Variants in EHD4 observed in about 807,000 individuals in gnomAD.
EHD4 encodes the protein EH domain-containing protein 4.
EHD4 carries 37 observed loss-of-function variants against 51.0 expected under a neutral mutation model. The observed-to-expected ratio is 0.73, with a 90% CI of 0.56 to 0.95. EHD4 has a LOEUF of 0.95. Ranked by LOEUF, EHD4 falls within the 40% of genes least tolerant of loss-of-function variation. The probability of loss-of-function intolerance (pLI) is 0.00; values close to 1 mark genes in which losing one functional copy is unlikely to be tolerated. For synonymous variants in EHD4, 297 were observed against 317.3 expected, an observed-to-expected ratio of 0.94 and a Z score of 0.68; for missense variants, 632 against 733.1, an observed-to-expected ratio of 0.86 and a Z score of 1.59.
chr15:41,944,443 T>C (rs899353112), intron 2 of EHD4, among the ~76,000 whole-genome samples: 1 of 152,172 alleles, frequency 6.6e-6, no homozygotes, highest in Non-Finnish European at 1.5e-5. Context: ...TTCCGTACGA[T>C]GGAAGTGGTG....
chr15:41,947,490 A>G (rs1238762235), intron 2 of EHD4, among the ~76,000 whole-genome samples: 1 of 152,228 alleles, frequency 6.6e-6, no homozygotes, highest in African/African-American at 2.4e-5. Context: ...CGGAGAGAGT[A>G]TAGAATTGTT....
intron 1 of EHD4, among the ~76,000 whole-genome samples, chr15:41,968,699 A>T (rs978645862): frequency 2.0e-4 from 30 of 152,342 alleles, no homozygotes; most frequent in African/African-American, 7.2e-4. Flanking sequence ...ATAGATGCAG[A>T]AATTACTTGG....
chr15:41,902,914 T>C (rs759449921), intron 5 of EHD4, among the ~76,000 whole-genome samples: 3 of 150,900 alleles, frequency 2.0e-5, no homozygotes, highest in Middle Eastern at 6.9e-3. Context: ...ACCGCCTGTA[T>C]AAGGAGAAGA....
chr15:41,900,902 T>A lies in EHD4; in HGVS notation c.1369A>T (p.Thr457Ser), dbSNP rs2067473010. 1.9e-6 allele frequency: 3 copies of A among 1,613,888 alleles called. No homozygotes were observed. The highest frequency in any genetic ancestry group is 1.3e-5 in the African/African-American group (1 of 74,864). ...ATCTTGCCATTGATGGGCGACAGAG[T>A]GTAGAAGAGCTCGTCGTAGACGGGC... ...DKPVYDELFYTLSPINGKISG... is the reference protein window; with the variant it reads ...DKPVYDELFYSLSPINGKISG... The change falls in exon 6 of 6, where the codon ACT becomes TCT. Residue 457 changes from threonine (T) to serine (S), a missense_variant. Transcript: ENST00000220325. This position sits in a 1 kb window ranked among gnomAD's most constrained non-coding sequence, Gnocchi z 4.8.
rs1300754195 is a variant in EHD4, at chr15:41,898,321, TC to T, written c.*2323del. 1 of 152,164 alleles carries T rather than the reference TC, an allele frequency of 6.6e-6. No individual in the cohort carries two copies. Among genetic ancestry groups the T allele is most frequent in the Non-Finnish European group, 1.5e-5 (1 of 68,026 alleles). 9.4% of individuals were successfully genotyped at this position (152,164 alleles called of 1,614,324 possible). ...CTGCCCTCTAAAGCAGCTTTCTGTATCCAGACAAAACTTACATATGTACACG... is the reference window on the plus strand; with the variant it reads ...CTGCCCTCTAAAGCAGCTTTCTGTATCAGACAAAACTTACATATGTACACG... On this transcript the variant is annotated 3_prime_UTR_variant, in exon 6 of 6. Transcript: ENST00000220325.
chr15:41,949,470 C>T (rs2067839160), intron 2 of EHD4, among the ~76,000 whole-genome samples: 1 of 152,072 alleles, frequency 6.6e-6, no homozygotes, highest in South Asian at 2.1e-4. Context: ...AGTAGAAGGT[C>T]AATAATACAC....
intron 3 of EHD4, among the ~76,000 whole-genome samples, chr15:41,937,756 T>C (rs1219572679): frequency 6.6e-6 from 1 of 152,218 alleles, no homozygotes; most frequent in Non-Finnish European, 1.5e-5. Flanking sequence ...TGTACTTCCC[T>C]GATTGTGGTC....
intron 5 of EHD4, among the ~76,000 whole-genome samples, chr15:41,901,775 C>T (rs2067479267): frequency 6.6e-6 from 1 of 152,192 alleles, no homozygotes; most frequent in Non-Finnish European, 1.5e-5. Flanking sequence ...GCTCTAACCT[C>T]TTATGAATGA....
chr15:41,945,832 T>C (rs1039054065), intron 2 of EHD4, among the ~76,000 whole-genome samples: 6 of 152,258 alleles, frequency 3.9e-5, no homozygotes, highest in African/African-American at 1.4e-4. Context: ...GTGGTAGTCG[T>C]AGCCCAGTAG....
chr15:41,919,386 G>T lies in EHD4; in HGVS notation c.748C>A (p.Pro250Thr), dbSNP rs776501059. 7.4e-6 allele frequency: 12 copies of T among 1,611,530 alleles called. No individual in the cohort carries two copies. Among genetic ancestry groups the T allele is most frequent in the Admixed American group, 5.0e-5 (3 of 59,788 alleles). Reference protein sequence around the residue: ...MWSLGKVINTPEVLRVYIGSF... With the variant: ...MWSLGKVINTTEVLRVYIGSF... ...CCAATGTAGACGCGCAGTACCTCGGGCGTGTTGATGACCTTGCCTAGGGAC... is the reference window on the plus strand; with the variant it reads ...CCAATGTAGACGCGCAGTACCTCGGTCGTGTTGATGACCTTGCCTAGGGAC... Residue 250 changes from proline (P) to threonine (T), a missense_variant, in exon 4 of 6, where the codon CCC (proline) becomes ACC (threonine). By Grantham distance (38) the Pro-to-Thr change is conservative. Coordinates refer to ENST00000220325, the MANE Select transcript of EHD4 (RefSeq NM_139265.4).
chr15:41,911,752 G>A (rs978146644), intron 4 of EHD4, among the ~76,000 whole-genome samples: 3 of 152,138 alleles, frequency 2.0e-5, no homozygotes, highest in African/African-American at 7.2e-5. Context: ...AAACACAAGG[G>A]CTTCTTATTG....
chr15:41,942,693 C>T, intron 3 of EHD4: 1 of 204,504 alleles, frequency 4.9e-6, no homozygotes, highest in Non-Finnish European at 1.0e-5. Flanking sequence ...CTCTCCCTAC[C>T]CCACAGCTTC....
chr15:41,917,277 T>C (rs375332749), intron 4 of EHD4, among the ~76,000 whole-genome samples: 3 of 152,192 alleles, frequency 2.0e-5, no homozygotes, highest in East Asian at 3.9e-4. Context: ...CCTGCCACCA[T>C]GCCTGGCTAA....
At chr15:41,918,718 C>G (rs2067602164) in intron 4 of EHD4, among the ~76,000 whole-genome samples, 1 of 152,250 alleles carries the variant, frequency 6.6e-6, no homozygotes, top group East Asian at 1.9e-4. Context: ...AGCCATACTT[C>G]TTCCCAGGGC....
At chr15:41,905,229 TC>T (rs2067504689) in intron 5 of EHD4, among the ~76,000 whole-genome samples, 1 of 152,156 alleles carries the variant, frequency 6.6e-6, no homozygotes, top group Admixed American at 6.5e-5. Context: ...CACTAAGCAT[TC>T]CTGACAGGCT....
In EHD4 at chr15:41,940,763, T is replaced by C. The variant is rs533022588; in HGVS notation, c.511+2304A>G. Among the ~76,000 whole-genome samples the C allele has an allele frequency of 2.0e-5, 3 of 152,336 alleles. No individual in the cohort carries two copies. The South Asian group carries it at 6.2e-4, about 32-fold the overall frequency. On this transcript the variant is annotated intron_variant, in intron 3 of 5. Coordinates refer to ENST00000220325, the MANE Select transcript of EHD4 (RefSeq NM_139265.4). ...CAAAGAACTGATCTTCAAAGCATTC[T>C]GGAAGCATTAATCCACGTGTCAACA...
At chr15:41,942,134 C>G (rs1250063720) in intron 3 of EHD4, 2 of 152,276 alleles carry the variant, frequency 1.3e-5, no homozygotes, top group African/African-American at 4.8e-5. Context: ...AGGAACCCAT[C>G]CTGACCCTCC....
intron 1 of EHD4, among the ~76,000 whole-genome samples, chr15:41,959,234 T>A (rs1383088582): frequency 6.6e-6 from 1 of 151,380 alleles, no homozygotes; most frequent in Non-Finnish European, 1.5e-5. Context: ...CTACTAAAAA[T>A]ACAAAAATAA....
At chr15:41,941,126 A>G (rs191936850) in intron 3 of EHD4, among the ~76,000 whole-genome samples, 159 of 152,244 alleles carry the variant, frequency 1.0e-3, no homozygotes, top group African/African-American at 3.6e-3. Flanking sequence ...AAAAAAAAAA[A>G]TTGATTGGCA....
Sources: gnomAD v4.1 joint callset for allele counts (sites outside exome capture counted in the v4.1 genomes callset) on GRCh38, gnomAD v4.1.1 for gene constraint, Gnocchi (gnomAD v3.1) non-coding constraint, MANE v1.5 for transcripts, NCBI Gene and HGNC (gene_info 2026-07-23, HGNC 2026-07-21) for gene names.